The following CMTM8 variants were observed in gnomAD, a reference collection of about 807,000 sequenced individuals.
CMTM8 encodes the protein CKLF-like MARVEL transmembrane domain-containing protein 8.
In CMTM8, 12 loss-of-function variants were observed where a neutral mutation model predicts 18.6. The ratio of observed to expected loss-of-function variants is 0.65; its 90% CI spans 0.41 to 1.05. CMTM8 has a LOEUF of 1.05. Among genes scored for constraint, CMTM8 ranks in the 50% least tolerant of loss-of-function variants. CMTM8 has a pLI of 0.00. For missense variants in CMTM8, 217 were observed against 227.2 expected, an observed-to-expected ratio of 0.95 and a Z score of 0.29; for synonymous variants, 87 against 90.6, an observed-to-expected ratio of 0.96 and a Z score of 0.23.
rs143856128 is a variant in CMTM8 at position 32,276,487 on chromosome 3, A to C, written c.147+37368A>C. ...GTATGAGAAATACCTTCATGCTGGC[A>C]CTGCTTGGCTGGCAATTAGAGTAAT... is the stretch of plus-strand genomic sequence containing the variant. On this transcript the variant is annotated intron_variant, in intron 1 of 3. Coordinates refer to ENST00000307526, the MANE Select transcript of CMTM8 (RefSeq NM_178868.5). 1.2e-4 allele frequency among the ~76,000 whole-genome samples: 18 copies of C among 152,310 alleles called. No homozygotes were observed. In the East Asian group the frequency reaches 3.5e-3, roughly 29 times the overall value.
intron 1 of CMTM8, among the ~76,000 whole-genome samples, chr3:32,347,496 T>G (rs1329022158): frequency 1.3e-5 from 2 of 151,274 alleles, no homozygotes; most frequent in African/African-American, 4.9e-5. Flanking sequence ...CGGGCAGGGC[T>G]TGGAGGGGGC....
chr3:32,253,493 C>T (rs953319871), intron 1 of CMTM8, among the ~76,000 whole-genome samples: 10 of 151,322 alleles, frequency 6.6e-5, no homozygotes, highest in African/African-American at 1.9e-4. Context: ...TACAGTCGTC[C>T]GCCATCATGC....
intron 1 of CMTM8, among the ~76,000 whole-genome samples, chr3:32,290,538 C>T (rs1369093801): frequency 6.6e-6 from 1 of 152,234 alleles, no homozygotes; most frequent in Non-Finnish European, 1.5e-5. Flanking sequence ...CCAAGGCCAG[C>T]TTTGGAGGAC....
At chr3:32,288,456 C>CT (rs1029203938) in intron 1 of CMTM8, among the ~76,000 whole-genome samples, 1 of 151,618 alleles carries the variant, frequency 6.6e-6, no homozygotes, top group Non-Finnish European at 1.5e-5. Context: ...TTTTTAAAAA[C>CT]TTTTTTGTAG....
At chr3:32,258,648 T>G (rs559730698) in intron 1 of CMTM8, among the ~76,000 whole-genome samples, 167 of 152,266 alleles carry the variant, frequency 1.1e-3, no homozygotes, top group African/African-American at 3.9e-3. Context: ...TAGCTGGGAC[T>G]ACAGGCATGT....
intron 1 of CMTM8, among the ~76,000 whole-genome samples, chr3:32,352,049 A>G (rs1399948887): frequency 6.6e-6 from 1 of 151,838 alleles, no homozygotes; most frequent in African/African-American, 2.4e-5. Context: ...ATGGTGGTGC[A>G]TTCCTGTAAT....
intron 1 of CMTM8, among the ~76,000 whole-genome samples, chr3:32,321,763 AT>A (rs1696059381): frequency 6.6e-6 from 1 of 151,872 alleles, no homozygotes; most frequent in South Asian, 2.1e-4. Context: ...ACACCTGGTA[AT>A]TTTTTTCCAT....
chr3:32,342,536 C>T (rs920509410), intron 1 of CMTM8, among the ~76,000 whole-genome samples: 8 of 152,188 alleles, frequency 5.3e-5, no homozygotes, highest in Middle Eastern at 6.8e-3. Flanking sequence ...TGAGGTGGAC[C>T]GTGTGGCATT....
chr3:32,286,749 A>G (rs1439469560), intron 1 of CMTM8, among the ~76,000 whole-genome samples: 1 of 152,028 alleles, frequency 6.6e-6, no homozygotes, highest in Non-Finnish European at 1.5e-5. Flanking sequence ...ACTAACACTA[A>G]CGGTAGCTGA....
chr3:32,301,344 C>CA (rs1321358208), intron 1 of CMTM8, among the ~76,000 whole-genome samples: 5 of 144,970 alleles, frequency 3.4e-5, no homozygotes, highest in South Asian at 4.3e-4. Flanking sequence ...CTGACCTTTT[C>CA]AAAAAAAAAT....
chr3:32,286,111 T>G (rs1240257406), intron 1 of CMTM8, among the ~76,000 whole-genome samples: 7 of 152,208 alleles, frequency 4.6e-5, no homozygotes, highest in African/African-American at 1.7e-4. Flanking sequence ...AAGGGTCAGA[T>G]AGTAGTGGCT....
intron 1 of CMTM8, among the ~76,000 whole-genome samples, chr3:32,310,127 A>C (rs1290712179): frequency 6.6e-6 from 1 of 151,992 alleles, no homozygotes; most frequent in Non-Finnish European, 1.5e-5. Context: ...AGAAAGGAGT[A>C]GTGGGGCTGT....
In CMTM8 at chr3:32,314,858, CG is replaced by C. The variant is rs59739625; in HGVS notation, c.148-42507del. ...CTAGGGTAGGCTCAGGGTTGGGTGG[CG>C]GGGGGGGTCCAACTGAGGCCTTGTT... On this transcript the variant is annotated intron_variant, in intron 1 of 3. Transcript: ENST00000307526. 7.5e-3 allele frequency among the ~76,000 whole-genome samples: 1,141 copies of C among 151,224 alleles called. 14 individuals are homozygous for C. The highest frequency in any genetic ancestry group is 0.054 in the East Asian group (277 of 5,132).
chr3:32,266,678 A>G (rs1309166035), intron 1 of CMTM8, among the ~76,000 whole-genome samples: 1 of 152,212 alleles, frequency 6.6e-6, no homozygotes, highest in Non-Finnish European at 1.5e-5. Context: ...CTGTTTGCAG[A>G]TGACATGATT....
chr3:32,275,666 T>TTTCG (rs144431874), intron 1 of CMTM8, among the ~76,000 whole-genome samples: 1 of 93,388 alleles, frequency 1.1e-5, no homozygotes, highest in East Asian at 3.5e-4. Context: ...TTTTTTTTTT[T>TTTCG]GGGGACAGAG....
intron 1 of CMTM8, among the ~76,000 whole-genome samples, chr3:32,261,382 A>G (rs1702255996): frequency 1.3e-5 from 2 of 152,210 alleles, no homozygotes; most frequent in African/African-American, 4.8e-5. Flanking sequence ...AGACATGTAA[A>G]GAAAAATATG....
At chr3:32,310,394 T>A (rs574313606) in intron 1 of CMTM8, among the ~76,000 whole-genome samples, 12 of 152,326 alleles carry the variant, frequency 7.9e-5, no homozygotes, top group African/African-American at 2.9e-4. Flanking sequence ...AGATACACTG[T>A]CTGGAGATGC....
At chr3:32,271,578 G>A (rs917363435) in intron 1 of CMTM8, among the ~76,000 whole-genome samples, 2 of 152,132 alleles carry the variant, frequency 1.3e-5, no homozygotes, top group African/African-American at 4.8e-5. Flanking sequence ...GGTAGCTGTT[G>A]TTCCATAACT....
chr3:32,314,858 C>CG lies in CMTM8; in HGVS notation c.148-42507dup, dbSNP rs59739625. On this transcript the variant is annotated intron_variant, in intron 1 of 3. Coordinates refer to ENST00000307526, the MANE Select transcript of CMTM8 (RefSeq NM_178868.5). ...CTAGGGTAGGCTCAGGGTTGGGTGG[C>CG]GGGGGGGGTCCAACTGAGGCCTTGT... 2.7e-3 allele frequency among the ~76,000 whole-genome samples: 406 copies of CG among 151,224 alleles called. 1 individual carries two copies. Among genetic ancestry groups the CG allele is most frequent in the Middle Eastern group, 6.9e-3 (2 of 290 alleles).
Sources: allele counts gnomAD v4.1 joint callset (sites outside exome capture counted in the v4.1 genomes callset), GRCh38; gene constraint gnomAD v4.1.1; transcripts MANE v1.5; gene names NCBI Gene and HGNC (gene_info 2026-07-23, HGNC 2026-07-21).